The following SDK1 variants were observed in gnomAD, a reference collection of about 807,000 sequenced individuals.
SDK1 encodes the protein protein sidekick-1.
A neutral mutation model predicts 245.5 loss-of-function variants in SDK1; 157 were observed. The ratio of observed to expected loss-of-function variants is 0.64; its 90% CI spans 0.56 to 0.73. The LOEUF is 0.73. Ranked by LOEUF, SDK1 falls within the 30% of genes least tolerant of loss-of-function variation. The pLI, the probability that SDK1 is intolerant of heterozygous loss-of-function variation, is 0.00. For missense variants in SDK1, 3,583 were observed against 3,002.3 expected, an observed-to-expected ratio of 1.19 and a Z score of -4.52; for synonymous variants, 1,647 against 1,278.5, an observed-to-expected ratio of 1.29 and a Z score of -6.15.
At chr7:3,403,843 AT>A (rs1464383186) in intron 1 of SDK1, among the ~76,000 whole-genome samples, 2 of 79,848 alleles carry the variant, frequency 2.5e-5, no homozygotes, top group Non-Finnish European at 4.3e-5. Flanking sequence ...ATATATATAT[AT>A]ATATATATAT....
chr7:3,346,825 ATATTTTTTTTTTT>A (rs1452152887), intron 1 of SDK1, among the ~76,000 whole-genome samples: 11 of 27,606 alleles, frequency 4.0e-4, no homozygotes, highest in African/African-American at 1.8e-3. Context: ...ATATATATAT[ATATTTTTTTTTTT>A]TTTTTTTTTT....
intron 1 of SDK1, among the ~76,000 whole-genome samples, chr7:3,506,253 C>T (rs769491773): frequency 1.3e-5 from 2 of 151,890 alleles, no homozygotes; most frequent in Non-Finnish European, 2.9e-5. Context: ...ATGTAGGATT[C>T]CAGGGTGATA....
intron 1 of SDK1, among the ~76,000 whole-genome samples, chr7:3,465,936 G>C (rs1347955839): frequency 6.6e-6 from 1 of 152,136 alleles, no homozygotes; most frequent in East Asian, 1.9e-4. Context: ...TGAATAAAAA[G>C]TGTTGCTGTA....
In SDK1 at chr7:4,199,633, G is replaced by C. The variant is rs904819434; in HGVS notation, c.5099-6246G>C. Among the ~76,000 whole-genome samples, 2 of 152,172 alleles carry C rather than the reference G, an allele frequency of 1.3e-5. 1 individual carries two copies. The highest frequency in any genetic ancestry group is 4.1e-4 in the South Asian group (2 of 4,828). ...GTCTTTAAAGCTACTCGGTTTGTTA[G>C]AATTGCAGCTGCCATGTCACAGCAG... On this transcript the variant is annotated intron_variant, in intron 35 of 44. Coordinates refer to ENST00000404826, the MANE Select transcript of SDK1 (RefSeq NM_152744.4).
At chr7:3,302,001 C>T in intron 1 of SDK1, 117 bp downstream of exon 1, 1 of 781,394 alleles carries the variant, frequency 1.3e-6, no homozygotes, top group Non-Finnish European at 1.6e-6. Flanking sequence ...CGGGATGCGC[C>T]TTGCTGGGGG....
At chr7:3,959,072 T>A (rs1171696726) in intron 8 of SDK1, 58 bp downstream of exon 8, 3 of 1,277,614 alleles carry the variant, frequency 2.3e-6, no homozygotes, top group African/African-American at 1.5e-5. Flanking sequence ...GGAAACAACC[T>A]TTTTCCATAG....
chr7:3,503,641 C>T (rs940101255), intron 1 of SDK1, among the ~76,000 whole-genome samples: 7 of 152,194 alleles, frequency 4.6e-5, no homozygotes, highest in Admixed American at 4.6e-4. Context: ...CATGCCACTG[C>T]ACTCCAGCCT....
intron 4 of SDK1, among the ~76,000 whole-genome samples, chr7:3,816,235 T>C (rs1779504643): frequency 6.6e-6 from 1 of 151,616 alleles, no homozygotes; most frequent in Non-Finnish European, 1.5e-5. Context: ...GGGCAAGAAC[T>C]AACTAAAATC....
At chr7:3,546,423 C>T (rs1372258991) in intron 1 of SDK1, among the ~76,000 whole-genome samples, 1 of 152,244 alleles carries the variant, frequency 6.6e-6, no homozygotes, top group South Asian at 2.1e-4. Context: ...TACACTAAAG[C>T]CGTTTTTAAA....
rs1583754585 is a variant in SDK1, at chr7:3,368,669, T to C, written c.298+66785T>C. Among the ~76,000 whole-genome samples, 7 of 152,256 alleles carry C rather than the reference T, an allele frequency of 4.6e-5. 1 individual carries two copies. The South Asian group carries it at 1.4e-3, about 32-fold the overall frequency. On this transcript the variant is annotated intron_variant, in intron 1 of 44. Transcript: ENST00000404826. Reference sequence around the variant, plus strand: ...GCCCTGGGGATCTTTATGTGCCCATTTGTCATTTTCACTTCTAGAAGTGAG... The same window carrying C: ...GCCCTGGGGATCTTTATGTGCCCATCTGTCATTTTCACTTCTAGAAGTGAG...
At chr7:4,115,633 A>C (rs1783656002) in intron 25 of SDK1, among the ~76,000 whole-genome samples, 1 of 152,154 alleles carries the variant, frequency 6.6e-6, no homozygotes, top group African/African-American at 2.4e-5. Flanking sequence ...CCCAGGGCAC[A>C]GAATCGCTCT....
intron 35 of SDK1, among the ~76,000 whole-genome samples, chr7:4,202,572 T>A (rs1251477101): frequency 6.6e-6 from 1 of 152,198 alleles, no homozygotes; most frequent in African/African-American, 2.4e-5. Flanking sequence ...CACAGGGCCA[T>A]GTCGCTGTCC....
At chr7:3,668,031 C>A (rs780890944) in intron 4 of SDK1, among the ~76,000 whole-genome samples, 1 of 152,134 alleles carries the variant, frequency 6.6e-6, no homozygotes, top group Non-Finnish European at 1.5e-5. Context: ...ACCTCAAAGT[C>A]CTCAGGGAAA....
chr7:3,480,260 C>T (rs1019253578), intron 1 of SDK1, among the ~76,000 whole-genome samples: 17 of 152,062 alleles, frequency 1.1e-4, no homozygotes, highest in African/African-American at 3.6e-4. Context: ...TGGAAGGGGG[C>T]GTGAAAGCTA....
chr7:3,978,807 A>G (rs1783167947), intron 13 of SDK1, among the ~76,000 whole-genome samples: 1 of 152,214 alleles, frequency 6.6e-6, no homozygotes, highest in South Asian at 2.1e-4. Flanking sequence ...GGTGCTTATG[A>G]CTAAACAATG....
intron 1 of SDK1, among the ~76,000 whole-genome samples, chr7:3,499,157 T>G (rs1782115765): frequency 6.6e-6 from 1 of 152,230 alleles, no homozygotes; most frequent in Admixed American, 6.5e-5. Context: ...AACCTGGCTT[T>G]CTGAATAGCT....
intron 19 of SDK1, among the ~76,000 whole-genome samples, chr7:4,064,622 G>A (rs1779752443): frequency 6.6e-6 from 1 of 152,162 alleles, no homozygotes; most frequent in African/African-American, 2.4e-5. Context: ...CATGCTTACT[G>A]CAGCACCATT....
At chr7:3,957,564 C>T (rs10269066) in intron 7 of SDK1, among the ~76,000 whole-genome samples, 2,068 of 152,042 alleles carry the variant, frequency 0.014, 53 homozygotes, top group African/African-American at 0.047. Flanking sequence ...TTCCTTTTTC[C>T]TTCCATGCTT....
intron 4 of SDK1, among the ~76,000 whole-genome samples, chr7:3,805,198 TG>T (rs902968712): frequency 2.0e-5 from 3 of 152,382 alleles, no homozygotes; most frequent in Admixed American, 6.5e-5. Flanking sequence ...AAAATACAGT[TG>T]TTTTTTGTAT....
Sources: allele counts gnomAD v4.1 joint callset (sites outside exome capture counted in the v4.1 genomes callset), GRCh38; gene constraint gnomAD v4.1.1; transcripts MANE v1.5; gene names NCBI Gene and HGNC (gene_info 2026-07-23, HGNC 2026-07-21).